The following KCNS3 variants were observed in gnomAD, a reference collection of about 807,000 sequenced individuals.
KCNS3 encodes potassium voltage-gated channel modifier subfamily S member 3.
KCNS3 carries 13 observed loss-of-function variants against 31.0 expected under a neutral mutation model. That is an observed-to-expected ratio of 0.42 (90% confidence interval 0.27 to 0.67). The LOEUF is 0.67. KCNS3 is among the 30% of genes least tolerant of loss of function. The pLI is 0.25. For missense variants in KCNS3, 545 were observed against 622.4 expected, an observed-to-expected ratio of 0.88 and a Z score of 1.32; for synonymous variants, 238 against 241.5, an observed-to-expected ratio of 0.99 and a Z score of 0.13.
At chr2:17,893,250 C>G (rs562142600) in intron 1 of KCNS3, among the ~76,000 whole-genome samples, 3 of 152,120 alleles carry the variant, frequency 2.0e-5, no homozygotes, top group Admixed American at 2.0e-4. Flanking sequence ...ACTGAAGGGC[C>G]GGTCCCACTC....
Position 17,931,785 on chromosome 2 carries a change from CTT to C in KCNS3, c.779_780del (p.Phe260CysfsTer20). 6.2e-7 allele frequency: 1 copy of C among 1,614,186 alleles called. No homozygotes were observed. The highest frequency in any genetic ancestry group is 8.5e-7 in the Non-Finnish European group (1 of 1,180,030). On this transcript the variant is annotated frameshift_variant, in exon 3 of 3. Transcript: ENST00000304101. LOFTEE classifies it high-confidence loss of function. This position sits in a 1 kb window ranked among gnomAD's most constrained non-coding sequence, Gnocchi z 5.4. The part of the protein sequence containing the change: ...FWKNPLNIID[F>X]VSIIPFYATL... ...GGAAAAACCCTCTGAACATCATTGA[CTT>C]TGTCTCTATTATTCCCTTCTATGCC... is the stretch of plus-strand genomic sequence containing the variant.
intron 2 of KCNS3, among the ~76,000 whole-genome samples, chr2:17,921,958 T>A (rs575810783): frequency 9.0e-4 from 120 of 133,848 alleles, no homozygotes; most frequent in African/African-American, 1.3e-3. Flanking sequence ...TATATATATA[T>A]AAATACATAT....
In KCNS3 at chr2:17,907,710, C is replaced by T. The variant is rs549356502; in HGVS notation, c.-251-9970C>T. 3.1e-3 allele frequency among the ~76,000 whole-genome samples: 471 copies of T among 152,138 alleles called. 3 individuals carry two copies. The highest frequency in any genetic ancestry group is 0.01 in the African/African-American group (435 of 41,482). ...TCTGTAAAGGATTTTATTTCTCCTT[C>T]GCTTAAGAAGCTTAGTTTGGCTGGA... On this transcript the variant is annotated intron_variant, in intron 1 of 2. Coordinates refer to ENST00000304101, the MANE Select transcript of KCNS3 (RefSeq NM_002252.5).
At chr2:17,899,638 T>C (rs1025509586) in intron 1 of KCNS3, among the ~76,000 whole-genome samples, 3 of 152,192 alleles carry the variant, frequency 2.0e-5, no homozygotes, top group African/African-American at 7.2e-5. Flanking sequence ...CTAATAATAG[T>C]ATCTATTTAT....
At chr2:17,900,981 A>AT (rs1662159999) in intron 1 of KCNS3, among the ~76,000 whole-genome samples, 1 of 152,184 alleles carries the variant, frequency 6.6e-6, no homozygotes, top group Non-Finnish European at 1.5e-5. Flanking sequence ...GGTATCTGAT[A>AT]TTTAGTATCC....
chr2:17,912,296 A>T (rs188858933), intron 1 of KCNS3, among the ~76,000 whole-genome samples: 1 of 152,156 alleles, frequency 6.6e-6, no homozygotes. Flanking sequence ...TTTCCTGCTC[A>T]CTCCAAAGCT....
intron 1 of KCNS3, among the ~76,000 whole-genome samples, chr2:17,888,674 A>G (rs939401425): frequency 2.4e-5 from 2 of 82,754 alleles, no homozygotes; most frequent in African/African-American, 4.4e-5. Context: ...TATATATATA[A>G]AGAAAAGGGT....
chr2:17,908,058 C>T (rs868538182), intron 1 of KCNS3, among the ~76,000 whole-genome samples: 4 of 152,294 alleles, frequency 2.6e-5, no homozygotes, highest in South Asian at 2.1e-4. Flanking sequence ...AGAGTGTTTT[C>T]GAACTTGGTT....
chr2:17,931,102 A>T lies in KCNS3; in HGVS notation c.94A>T (p.Thr32Ser). The change falls in exon 3 of 3, where the codon ACC becomes TCC. Residue 32 changes from threonine to serine, a missense_variant. Physicochemically the swap from Thr to Ser is moderately conservative, Grantham distance 58. Coordinates refer to ENST00000304101, the MANE Select transcript of KCNS3 (RefSeq NM_002252.5). This position sits in a 1 kb window ranked among gnomAD's most constrained non-coding sequence, Gnocchi z 5.4. ...CTTTAAGCAGTCTGTTGACCAAAGC[A>T]CCCTCCTGCGGTTTCCTCACACCAG... ...GGFKQSVDQS[T>S]LLRFPHTRLG... 1 of 1,614,024 alleles carries T rather than the reference A, an allele frequency of 6.2e-7. No homozygotes were observed. The highest frequency in any genetic ancestry group is 1.1e-5 in the South Asian group (1 of 91,072).
At chr2:17,885,443 G>A (rs1661622916) in intron 1 of KCNS3, among the ~76,000 whole-genome samples, 2 of 152,226 alleles carry the variant, frequency 1.3e-5, no homozygotes, top group African/African-American at 4.8e-5. Flanking sequence ...GTGCATATGT[G>A]TAGAAAGAGA....
chr2:17,904,800 T>C (rs1662276678), intron 1 of KCNS3, among the ~76,000 whole-genome samples: 1 of 152,190 alleles, frequency 6.6e-6, no homozygotes, highest in South Asian at 2.1e-4. Flanking sequence ...GAGGGCTCTG[T>C]TCTGTTCCAT....
chr2:17,907,165 T>C (rs540835887), intron 1 of KCNS3, among the ~76,000 whole-genome samples: 1 of 151,944 alleles, frequency 6.6e-6, no homozygotes, highest in Non-Finnish European at 1.5e-5. Flanking sequence ...CATATATATT[T>C]AAGATAGTTA....
intron 1 of KCNS3, among the ~76,000 whole-genome samples, chr2:17,914,610 C>T (rs1870823): frequency 0.86 from 131,666 of 152,226 alleles, 57,999 homozygotes; most frequent in East Asian, 0.99. Flanking sequence ...GTCTTGTTGG[C>T]TCAGGGAAGA....
intron 1 of KCNS3, among the ~76,000 whole-genome samples, chr2:17,904,887 G>C: frequency 6.6e-6 from 1 of 152,186 alleles, no homozygotes. Flanking sequence ...TTGAAGTCAG[G>C]TAGCGTGATG....
intron 1 of KCNS3, among the ~76,000 whole-genome samples, chr2:17,906,834 T>C (rs931556713): frequency 5.9e-5 from 9 of 152,250 alleles, no homozygotes; most frequent in African/African-American, 2.2e-4. Flanking sequence ...CTGTTTGTTA[T>C]AATTTCTGTT....
chr2:17,918,582 G>C (rs1021916057), intron 2 of KCNS3, among the ~76,000 whole-genome samples: 1 of 152,186 alleles, frequency 6.6e-6, no homozygotes, highest in African/African-American at 2.4e-5. Flanking sequence ...CATTCTGCTA[G>C]CTCTTTGACA....
rs1572507165 is a variant in KCNS3, at chr2:17,931,747, C to G, written c.739C>G (p.Gln247Glu). Residue 247 changes from glutamine to glutamate, a missense_variant, in exon 3 of 3, where the codon CAA becomes GAA. Physicochemically the swap from Gln to Glu is conservative, Grantham distance 29 (BLOSUM62 2). Transcript: ENST00000304101. This position sits in a 1 kb window ranked among gnomAD's most constrained non-coding sequence, Gnocchi z 5.4. Reference sequence around the variant, plus strand: ...CGTCCGGCTGGCTGCCGCTCCTTGTCAAAAGAAATTCTGGAAAAACCCTCT... The same window carrying G: ...CGTCCGGCTGGCTGCCGCTCCTTGTGAAAAGAAATTCTGGAAAAACCCTCT... The part of the protein sequence containing the change: ...LAVRLAAAPC[Q>E]KKFWKNPLNI... 6.2e-7 allele frequency: 1 copy of G among 1,613,898 alleles called. No individual in the cohort carries two copies. The highest frequency in any genetic ancestry group is 2.2e-5 in the East Asian group (1 of 44,874).
chr2:17,925,025 G>T (rs995560131), intron 2 of KCNS3, among the ~76,000 whole-genome samples: 3 of 152,052 alleles, frequency 2.0e-5, no homozygotes, highest in African/African-American at 7.2e-5. Flanking sequence ...TAATAAATAG[G>T]TTTATTCAGA....
intron 2 of KCNS3, among the ~76,000 whole-genome samples, chr2:17,926,609 G>A (rs1558460252): frequency 6.6e-6 from 1 of 152,254 alleles, no homozygotes; most frequent in Non-Finnish European, 1.5e-5. Context: ...ATTGGGGCTT[G>A]CGCCATCTGA....
Sources: allele counts gnomAD v4.1 joint callset (sites outside exome capture counted in the v4.1 genomes callset), GRCh38; gene constraint gnomAD v4.1.1; non-coding constraint Gnocchi (gnomAD v3.1); transcripts MANE v1.5; gene names NCBI Gene and HGNC (gene_info 2026-07-23, HGNC 2026-07-21).